The following SLC44A2 variants were observed in gnomAD, a reference collection of about 807,000 sequenced individuals.
The protein encoded by SLC44A2 is solute carrier family 44 member 2 (CTL2 blood group).
In SLC44A2, 57 loss-of-function variants were observed where a neutral mutation model predicts 90.8. The ratio of observed to expected loss-of-function variants is 0.63; its 90% CI spans 0.51 to 0.78. The LOEUF is 0.78. Among genes scored for constraint, SLC44A2 ranks in the 30% least tolerant of loss-of-function variants. SLC44A2 has a pLI of 0.00. For missense variants in SLC44A2, 794 were observed against 919.7 expected (o/e 0.86, Z 1.77); for synonymous variants, 355 against 360.7 (o/e 0.98, Z 0.18).
Position 10,636,365 on chromosome 19 carries a change from C to T in SLC44A2, c.1276C>T (p.Arg426Cys), listed in dbSNP as rs746087021. 4 of 1,614,006 alleles carry T rather than the reference C, an allele frequency of 2.5e-6. No individual in the cohort carries two copies. Among genetic ancestry groups the T allele is most frequent in the South Asian group, 2.2e-5 (2 of 91,066 alleles). The change falls in exon 15 of 22, where the codon CGT becomes TGT. Residue 426 changes from arginine (R) to cysteine (C), a missense_variant. Coordinates refer to ENST00000335757, the MANE Select transcript of SLC44A2 (RefSeq NM_020428.4). Reference protein sequence around the residue: ...SNESRQCPNARCQFAFYGGES... With the variant: ...SNESRQCPNACCQFAFYGGES... ...TGAGTCCCGCCAATGCCCCAATGCC[C>T]GTTGCCAGTTCGCCTTCTACGGTGG...
Position 10,636,558 on chromosome 19 carries a change from T to A in SLC44A2, c.1469T>A (p.Leu490His). ...RKPDDLPAFPLFSAFGRALRY... is the reference protein window; with the variant it reads ...RKPDDLPAFPHFSAFGRALRY... Reference sequence around the variant, plus strand: ...CCGGACGACCTGCCGGCCTTCCCGCTCTTCTCTGCCTTTGGCCGGGCGCTC... The same window carrying A: ...CCGGACGACCTGCCGGCCTTCCCGCACTTCTCTGCCTTTGGCCGGGCGCTC... Residue 490 changes from leucine to histidine, a missense_variant, in exon 15 of 22, where the codon CTC (leucine) becomes CAC (histidine). Around this residue, in one of 3 missense-constraint regions of SLC44A2, gnomAD observed 738 missense variants for 841.1 expected, o/e 0.88. Transcript: ENST00000335757. The A allele has an allele frequency of 1.2e-6, 2 of 1,607,278 alleles. No individual in the cohort carries two copies. Among genetic ancestry groups the A allele is most frequent in the Non-Finnish European group, 1.7e-6 (2 of 1,178,526 alleles).
intron 1 of SLC44A2, among the ~76,000 whole-genome samples, chr19:10,610,692 T>C (rs942217916): frequency 8.0e-6 from 1 of 125,522 alleles, no homozygotes; most frequent in East Asian, 2.4e-4. Context: ...CAGGCTGGAG[T>C]GCAATGGCGT....
rs2067081761 is a variant in SLC44A2 at position 10,638,360 on chromosome 19, G to A, written c.1929+45G>A. On this transcript the variant is annotated intron_variant, in intron 20 of 21. Coordinates refer to ENST00000335757, the MANE Select transcript of SLC44A2 (RefSeq NM_020428.4). ...GATGGGGGTTTGGGAAGAAAGAGGT[G>A]TTGGGATTTGCTTGGTCTTCTTTGA... The A allele has an allele frequency of 3.8e-6, 6 of 1,563,008 alleles. No individual in the cohort carries two copies. In the African/African-American group the frequency reaches 6.8e-5, roughly 18 times the overall value.
At chr19:10,626,346 C>T (rs778935049) in intron 2 of SLC44A2, 45 bp downstream of exon 2, 1 of 1,394,142 alleles carries the variant, frequency 7.2e-7, no homozygotes, top group Non-Finnish European at 1.0e-6. Flanking sequence ...TAATACTACC[C>T]CAATCCCTGT....
chr19:10,625,226 T>G, upstream of SLC44A2: 1 of 193,472 alleles, frequency 5.2e-6, no homozygotes, highest in Non-Finnish European at 1.0e-5. Context: ...GTTGTCTGGG[T>G]TTGGGCAGTA....
intron 1 of SLC44A2, among the ~76,000 whole-genome samples, chr19:10,609,203 A>G (rs1382916613): frequency 6.6e-6 from 1 of 151,878 alleles, no homozygotes; most frequent in Non-Finnish European, 1.5e-5. Context: ...TGATCTGCCC[A>G]CCTTGGCCTC....
At chr19:10,628,074 T>G in intron 4 of SLC44A2, 70 bp downstream of exon 4, 1 of 1,384,212 alleles carries the variant, frequency 7.2e-7, no homozygotes, top group Non-Finnish European at 1.0e-6. Context: ...ATTCCCCATC[T>G]CTCTAAGTCC....
At chr19:10,616,786 A>T (rs2066858595) in intron 1 of SLC44A2, among the ~76,000 whole-genome samples, 1 of 152,004 alleles carries the variant, frequency 6.6e-6, no homozygotes, top group Non-Finnish European at 1.5e-5. Context: ...TCTGTTGCCA[A>T]GGCTGTAGTA....
At chr19:10,625,115 CAG>C (rs1265585095), upstream of SLC44A2, 7 of 152,216 alleles carry the variant, frequency 4.6e-5, no homozygotes, top group African/African-American at 1.7e-4. Flanking sequence ...GCCTGGGCAA[CAG>C]AGGGAGATCC....
At chr19:10,618,275 C>T (rs1354572893) in intron 1 of SLC44A2, among the ~76,000 whole-genome samples, 4 of 149,792 alleles carry the variant, frequency 2.7e-5, no homozygotes, top group African/African-American at 9.9e-5. Context: ...CCCGGGTTCA[C>T]GCCATTCTTC....
chr19:10,620,676 T>G (rs1221010689), upstream of SLC44A2, among the ~76,000 whole-genome samples: 1 of 152,138 alleles, frequency 6.6e-6, no homozygotes, highest in Admixed American at 6.6e-5. Flanking sequence ...ATCCCTGTCC[T>G]TATGCAGGCA....
intron 10 of SLC44A2, 103 bp downstream of exon 10, chr19:10,632,259 G>T (rs151064433): frequency 9.7e-7 from 1 of 1,035,974 alleles, no homozygotes; most frequent in East Asian, 2.4e-5. Flanking sequence ...AAGTCAGGCC[G>T]GGCGTGGTGG....
chr19:10,639,125 G>T (rs1029129673), intron 20 of SLC44A2, among the ~76,000 whole-genome samples: 4 of 152,124 alleles, frequency 2.6e-5, no homozygotes, highest in Non-Finnish European at 1.5e-5. Flanking sequence ...ATAGAGATGG[G>T]GTTTCACCGT....
intron 1 of SLC44A2, among the ~76,000 whole-genome samples, chr19:10,618,646 A>G (rs917133553): frequency 2.1e-5 from 3 of 142,732 alleles, no homozygotes; most frequent in African/African-American, 7.9e-5. Context: ...CGCCCGGCTA[A>G]TTTTTTGTAT....
chr19:10,611,811 G>C (rs1918311228), intron 1 of SLC44A2, among the ~76,000 whole-genome samples: 1 of 152,048 alleles, frequency 6.6e-6, no homozygotes, highest in Non-Finnish European at 1.5e-5. Context: ...AACAGAATGA[G>C]ACCCCATCTC....
chr19:10,619,628 A>G (rs976692237), intron 1 of SLC44A2, among the ~76,000 whole-genome samples: 2 of 151,842 alleles, frequency 1.3e-5, no homozygotes, highest in African/African-American at 4.8e-5. Context: ...GTCAGCCACT[A>G]CGCCTGGCCT....
upstream of SLC44A2, among the ~76,000 whole-genome samples, chr19:10,624,129 C>G (rs1226566558): frequency 6.6e-6 from 1 of 152,094 alleles, no homozygotes; most frequent in Non-Finnish European, 1.5e-5. Flanking sequence ...TCCCAAGTAG[C>G]TGGGACTACA....
chr19:10,615,762 G>C (rs1461512207), intron 1 of SLC44A2, among the ~76,000 whole-genome samples: 2 of 152,168 alleles, frequency 1.3e-5, no homozygotes, highest in Non-Finnish European at 1.5e-5. Context: ...GAGCTGGACA[G>C]CTTGGGTCTG....
chr19:10,603,210 C>T (rs887745395), intron 1 of SLC44A2, among the ~76,000 whole-genome samples: 6 of 152,186 alleles, frequency 3.9e-5, no homozygotes, highest in African/African-American at 1.4e-4. Context: ...CTTCCTCCGG[C>T]GAACCTCTTG....
Sources: gnomAD v4.1 joint callset for allele counts (sites outside exome capture counted in the v4.1 genomes callset) on GRCh38, gnomAD v4.1.1 for gene constraint, gnomAD v4.1.1 regional missense constraint, MANE v1.5 for transcripts, NCBI Gene and HGNC (gene_info 2026-07-23, HGNC 2026-07-21) for gene names.